Variants in NPAS3 observed in about 807,000 individuals in gnomAD.
The protein encoded by NPAS3 is neuronal PAS domain-containing protein 3.
In NPAS3, 14 loss-of-function variants were observed where a neutral mutation model predicts 73.1. The observed-to-expected ratio is 0.19, with a 90% CI of 0.13 to 0.30. The LOEUF (loss-of-function observed/expected upper bound fraction) is 0.30. NPAS3 is among the 10% of genes least tolerant of loss of function. NPAS3 has a pLI of 1.00. For missense variants in NPAS3, 1,096 were observed against 1,250.0 expected (o/e 0.88, Z 1.86); for synonymous variants, 620 against 541.5 (o/e 1.14, Z -2.01).
chr14:33,314,645 T>G (rs923737702), intron 3 of NPAS3, among the ~76,000 whole-genome samples: 1 of 152,024 alleles, frequency 6.6e-6, no homozygotes, highest in African/African-American at 2.4e-5. Context: ...ATATAATGAA[T>G]GGTAAGTCTG....
chr14:33,335,030 T>TTGTGTGTGTGTGTGTGTGTGTGTG (rs777068522), intron 3 of NPAS3, among the ~76,000 whole-genome samples: 4 of 144,150 alleles, frequency 2.8e-5, no homozygotes, highest in Non-Finnish European at 4.6e-5. Context: ...TGGTATTCCA[T>TTGTGTGTGTGTGTGTGTGTGTGTG]TGTGTGTGTG....
At chr14:33,431,383 T>C (rs969306105) in intron 4 of NPAS3, among the ~76,000 whole-genome samples, 3 of 152,130 alleles carry the variant, frequency 2.0e-5, no homozygotes, top group Non-Finnish European at 2.9e-5. Flanking sequence ...AAGAATTACT[T>C]AAACATAAAA....
intron 7 of NPAS3, among the ~76,000 whole-genome samples, chr14:33,771,304 C>G (rs2062643471): frequency 6.6e-6 from 1 of 152,110 alleles, no homozygotes; most frequent in South Asian, 2.1e-4. Context: ...CTCTTCAATT[C>G]CACCCTCCCT....
chr14:32,998,460 G>A (rs947536843), intron 1 of NPAS3, among the ~76,000 whole-genome samples: 3 of 152,118 alleles, frequency 2.0e-5, no homozygotes, highest in Non-Finnish European at 4.4e-5. Flanking sequence ...AGAGGTAGTG[G>A]TTTCACATCT....
chr14:33,103,774 G>A (rs1271954788), intron 2 of NPAS3, among the ~76,000 whole-genome samples: 1 of 152,116 alleles, frequency 6.6e-6, no homozygotes, highest in Non-Finnish European at 1.5e-5. Context: ...GGATGACTTT[G>A]TCCGGAGATT....
At chr14:33,157,065 A>G (rs1008959360) in intron 2 of NPAS3, among the ~76,000 whole-genome samples, 1 of 152,182 alleles carries the variant, frequency 6.6e-6, no homozygotes, top group Non-Finnish European at 1.5e-5. Flanking sequence ...TAGAAAGGGG[A>G]AAAAGAATAT....
intron 3 of NPAS3, among the ~76,000 whole-genome samples, chr14:33,232,627 G>A (rs764750481): frequency 3.9e-5 from 6 of 151,990 alleles, no homozygotes; most frequent in Middle Eastern, 3.2e-3. Context: ...CAGTGAAATC[G>A]GAGTTCTCAG....
At chr14:33,703,552 C>T (rs1386912731) in intron 6 of NPAS3, among the ~76,000 whole-genome samples, 1 of 151,626 alleles carries the variant, frequency 6.6e-6, no homozygotes, top group East Asian at 1.9e-4. Flanking sequence ...TTAATTTTTC[C>T]AGGATCAGGG....
At chr14:33,351,680 A>G (rs577231347) in intron 3 of NPAS3, among the ~76,000 whole-genome samples, 11 of 152,366 alleles carry the variant, frequency 7.2e-5, no homozygotes, top group African/African-American at 2.6e-4. Context: ...TCCATAATAT[A>G]GAATCACTAT....
chr14:33,678,585 T>C (rs1333108407), intron 6 of NPAS3, among the ~76,000 whole-genome samples: 2 of 152,144 alleles, frequency 1.3e-5, no homozygotes, highest in Admixed American at 6.5e-5. Context: ...CTAGATATAT[T>C]CTGATTAGTG....
chr14:33,174,443 A>G (rs1027789945), intron 2 of NPAS3, among the ~76,000 whole-genome samples: 4 of 152,268 alleles, frequency 2.6e-5, no homozygotes, highest in African/African-American at 7.2e-5. Flanking sequence ...AAATAGTACC[A>G]TAGATTATTC....
intron 3 of NPAS3, among the ~76,000 whole-genome samples, chr14:33,335,030 T>TTGTGTGTGTGTG (rs777068522): frequency 0.027 from 3,941 of 144,154 alleles, 82 homozygotes; most frequent in African/African-American, 0.033. Context: ...TGGTATTCCA[T>TTGTGTGTGTGTG]TGTGTGTGTG....
chr14:33,703,360 G>A (rs1305791426), intron 6 of NPAS3, among the ~76,000 whole-genome samples: 1 of 151,976 alleles, frequency 6.6e-6, no homozygotes, highest in African/African-American at 2.4e-5. Context: ...CAGGCTTAGT[G>A]GCATGTACCT....
intron 1 of NPAS3, among the ~76,000 whole-genome samples, chr14:32,989,218 T>C (rs1276639753): frequency 3.3e-5 from 5 of 152,082 alleles, no homozygotes; most frequent in Non-Finnish European, 7.4e-5. Context: ...ACTAAGCAGG[T>C]AGATAAAGTG....
At chr14:33,292,339 C>G (rs549109408) in intron 3 of NPAS3, among the ~76,000 whole-genome samples, 1 of 152,266 alleles carries the variant, frequency 6.6e-6, no homozygotes, top group South Asian at 2.1e-4. Flanking sequence ...ACTCAGGAAG[C>G]CCCTAGATCT....
chr14:33,788,084 T>A (rs1199940295), intron 9 of NPAS3, among the ~76,000 whole-genome samples: 1 of 152,246 alleles, frequency 6.6e-6, no homozygotes, highest in East Asian at 1.9e-4. Flanking sequence ...ATGTTTCATC[T>A]GCCAGTTTTG....
chr14:33,215,206 A>G lies in NPAS3; in HGVS notation c.165A>G (p.Lys55=). Residue 55 remains lysine (K), a synonymous_variant, in exon 3 of 12, where the codon AAA becomes AAG. Transcript: ENST00000356141. ...GTTTACAAGCATTGAGAAAGGAGAA[A>G]TCCCGAGATGCTGCTCGCTCCCGCC... 1.9e-6 allele frequency: 3 copies of G among 1,613,882 alleles called. No individual in the cohort carries two copies. The Admixed American group carries it at 5.0e-5, about 27-fold the overall frequency.
chr14:33,347,099 C>T (rs978827628), intron 3 of NPAS3, among the ~76,000 whole-genome samples: 4 of 152,310 alleles, frequency 2.6e-5, no homozygotes, highest in Admixed American at 2.6e-4. Flanking sequence ...TTTCAATTCT[C>T]TTGGTACAGT....
At chr14:33,574,907 C>T (rs1168864124) in intron 5 of NPAS3, among the ~76,000 whole-genome samples, 1 of 152,054 alleles carries the variant, frequency 6.6e-6, no homozygotes, top group East Asian at 1.9e-4. Context: ...AAAGGTGAAA[C>T]CAGAACAAGA....
Sources: gnomAD v4.1 joint callset for allele counts (sites outside exome capture counted in the v4.1 genomes callset) on GRCh38, gnomAD v4.1.1 for gene constraint, MANE v1.5 for transcripts, NCBI Gene and HGNC (gene_info 2026-07-23, HGNC 2026-07-21) for gene names.